CFAP46: variants seen among roughly 807,000 people sequenced by gnomAD.
CFAP46 encodes the protein cilia and flagella associated protein 46.
CFAP46 carries 245 observed loss-of-function variants against 325.7 expected under a neutral mutation model. The observed-to-expected ratio is 0.75, with a 90% confidence interval of 0.68 to 0.84. The LOEUF (loss-of-function observed/expected upper bound fraction) is 0.84, where lower values mean the gene tolerates loss of function less well. CFAP46 is among the 40% of genes least tolerant of loss of function. The pLI, the probability that CFAP46 is intolerant of heterozygous loss-of-function variation, is 0.00. For missense variants in CFAP46, 3,346 were observed against 3,543.0 expected (o/e 0.94, Z 1.41); for synonymous variants, 1,523 against 1,495.9 (o/e 1.02, Z -0.42).
chr10:132,845,037 C>G (rs1472455801), intron 44 of CFAP46, among the ~76,000 whole-genome samples: 1 of 152,154 alleles, frequency 6.6e-6, no homozygotes, highest in African/African-American at 2.4e-5. Flanking sequence ...AGGCACCCCC[C>G]TGCATGCCCA....
chr10:132,826,910 G>A (rs960463837), intron 50 of CFAP46, among the ~76,000 whole-genome samples: 41 of 152,240 alleles, frequency 2.7e-4, no homozygotes, highest in African/African-American at 8.9e-4. Flanking sequence ...GAGGGTGGGC[G>A]CTGTGGGCGG....
chr10:132,864,416 A>ACC (rs1848776168), intron 35 of CFAP46, among the ~76,000 whole-genome samples: 1 of 38,982 alleles, frequency 2.6e-5, no homozygotes, highest in Non-Finnish European at 4.3e-5. Flanking sequence ...TGCCTGAGAC[A>ACC]TGCACACACC....
intron 16 of CFAP46, 38 bp from the exon 17 acceptor site, chr10:132,916,720 G>A: frequency 7.0e-7 from 1 of 1,419,484 alleles, no homozygotes; most frequent in South Asian, 1.5e-5. Context: ...GTCATGGGCG[G>A]AGCACGGGCC....
In CFAP46 at chr10:132,920,520, G is replaced by A. The variant is rs966232642; in HGVS notation, c.1607-338C>T. Among the ~76,000 whole-genome samples the A allele has an allele frequency of 3.6e-4, 55 of 152,310 alleles. 1 individual carries two copies. Among genetic ancestry groups the A allele is most frequent in the African/African-American group, 1.1e-3 (47 of 41,558 alleles). The stretch of plus-strand genomic sequence containing the variant: ...CAGAGGCACCCGGCCTCAGACTCCC[G>A]AGCTCCCACCCAGCCCCTGCGTAGC... On this transcript the variant is annotated intron_variant, in intron 13 of 57. Coordinates refer to ENST00000368586, the MANE Select transcript of CFAP46 (RefSeq NM_001200049.3).
rs765835739 is a variant in CFAP46, at chr10:132,941,043, G to A, written c.324C>T (p.Cys108=). The stretch of plus-strand genomic sequence containing the variant: ...TTATGGCCTTCATGTACTCAGTCAC[G>A]CAATTTTCAAATTCCTCCTAAGGCA... The part of the protein sequence containing the change: ...SAENLEEFEN[C]VTEYMKAINF... The change falls in exon 4 of 58, where the codon TGC becomes TGT. Residue 108 remains cysteine (C), a synonymous_variant. Transcript: ENST00000368586. 1.1e-5 allele frequency: 18 copies of A among 1,614,104 alleles called. No individual in the cohort carries two copies. The South Asian group carries it at 1.6e-4, about 15-fold the overall frequency.
rs1017677413 is a variant in CFAP46 at position 132,817,904 on chromosome 10, G to T, written c.7118-2990C>A. 1.3e-5 allele frequency among the ~76,000 whole-genome samples: 2 copies of T among 152,232 alleles called. No homozygotes were observed. Among genetic ancestry groups the T allele is most frequent in the African/African-American group, 2.4e-5 (1 of 41,466 alleles). On this transcript the variant is annotated intron_variant, in intron 50 of 57. Coordinates refer to ENST00000368586, the MANE Select transcript of CFAP46 (RefSeq NM_001200049.3). The surrounding 1 kb of genome is among the most constrained non-coding windows in gnomAD (Gnocchi z 4.4). Reference sequence around the variant, plus strand: ...CCGCGCTCTGCCTGGAGGCTCCCGGGGAGAATCCTCTCCTGGCTCCTGGCC... The same window carrying T: ...CCGCGCTCTGCCTGGAGGCTCCCGGTGAGAATCCTCTCCTGGCTCCTGGCC...
In CFAP46 at chr10:132,886,020, G is replaced by A. The variant is rs138005617; in HGVS notation, c.3305-61C>T. On this transcript the variant is annotated intron_variant, in intron 25 of 57. Transcript: ENST00000368586. The surrounding 1 kb of genome is among the most constrained non-coding windows in gnomAD (Gnocchi z 5.8). ...CTGATCCCTCATCAAAGGCGCCCTC[G>A]GACCTCCCAGACTAAGCTGCCCATC... The A allele has an allele frequency of 9.6e-4, 1,472 of 1,531,076 alleles. 17 individuals carry two copies. In the African/African-American group the frequency reaches 0.017, roughly 18 times the overall value. 94.8% of individuals were successfully genotyped at this position (1,531,076 alleles called of 1,614,324 possible).
rs567055738 is a variant in CFAP46, at chr10:132,837,013, G to A, written c.6439-99C>T. 20 of 949,198 alleles carry A rather than the reference G, an allele frequency of 2.1e-5. 1 individual carries two copies. The highest frequency in any genetic ancestry group is 1.1e-4 in the South Asian group (8 of 72,356). The allele number at this position is 949,198 out of a possible 1,614,324, so 58.8% of individuals were successfully genotyped here. A position where few individuals can be genotyped will look rare whatever the true frequency, so the allele number is the denominator to read the frequency against. ...CCAGGAGACCTCGTGGCAGAGCCAC[G>A]GCGGGGGCTTTGTACCCTTCCTGCC... On this transcript the variant is annotated intron_variant, in intron 44 of 57. Coordinates refer to ENST00000368586, the MANE Select transcript of CFAP46 (RefSeq NM_001200049.3).
rs1369795022 is a variant in CFAP46, at chr10:132,912,680, G to A, written c.2474C>T (p.Thr825Ile). 1 of 1,549,278 alleles carries A rather than the reference G, an allele frequency of 6.5e-7. No individual in the cohort carries two copies. Residue 825 changes from threonine to isoleucine, a missense_variant, in exon 19 of 58, where the codon ACT becomes ATT. Coordinates refer to ENST00000368586, the MANE Select transcript of CFAP46 (RefSeq NM_001200049.3). The stretch of plus-strand genomic sequence containing the variant: ...CTCCACCGCTGTTTTGATCTCGGAA[G>A]TGGCTCCTGCGTCCAGTGGGCTGTG... ...AFHSPLDAGA[T>I]SEIKTAVEVC...
chr10:132,912,604 CCTCTCTCTCTCTCTCTCT>C (rs59827475), intron 19 of CFAP46, 33 bp downstream of exon 19: 3 of 1,315,578 alleles, frequency 2.3e-6, no homozygotes, highest in Non-Finnish European at 3.0e-6. Flanking sequence ...TCTCCTCTCT[CCTCTCTCTCTCTCTCTCT>C]CTCTCTCTCT....
Position 132,924,557 on chromosome 10 carries a change from G to A in CFAP46, c.1256+139C>T, listed in dbSNP as rs1008220847. On this transcript the variant is annotated intron_variant, in intron 11 of 57. Transcript: ENST00000368586. The stretch of plus-strand genomic sequence containing the variant: ...GCCTGGCCCGGAGCTGGGACAGAGG[G>A]TGGCCCTTATTGAGTACAGGGGGAG... The A allele has an allele frequency of 1.3e-5, 10 of 784,278 alleles. No homozygotes were observed. The East Asian group carries it at 2.3e-4, about 18-fold the overall frequency. 48.6% of individuals were successfully genotyped at this position (784,278 alleles called of 1,614,324 possible). A position where few individuals can be genotyped will look rare whatever the true frequency, so the allele number is the denominator to read the frequency against.
At chr10:132,809,308 G>A (rs181597302) in intron 57 of CFAP46, among the ~76,000 whole-genome samples, 25 of 152,290 alleles carry the variant, frequency 1.6e-4, no homozygotes, top group Admixed American at 8.5e-4. Flanking sequence ...GCAGGTCATC[G>A]CTGAGCAGCA....
In CFAP46 at chr10:132,889,511, G is replaced by C. The variant is rs1849225513; in HGVS notation, c.3304+2822C>G. ...CCCTGAGCCCTGCTTCCTCCTGCTT[G>C]AATTCATTAAACCAGGGTCCAATGA... On this transcript the variant is annotated intron_variant, in intron 25 of 57. Transcript: ENST00000368586. This position sits in a 1 kb window ranked among gnomAD's most constrained non-coding sequence, Gnocchi z 6.0. Among the ~76,000 whole-genome samples, 1 of 152,170 alleles carries C rather than the reference G, an allele frequency of 6.6e-6. No individual in the cohort carries two copies. The highest frequency in any genetic ancestry group is 1.5e-5 in the Non-Finnish European group (1 of 68,030).
In CFAP46 at chr10:132,879,738, G is replaced by C. The variant is rs929402777; in HGVS notation, c.3800-107C>G. 61 of 1,152,940 alleles carry C rather than the reference G, an allele frequency of 5.3e-5. 1 individual carries two copies. In the Admixed American group the frequency reaches 8.0e-4, roughly 15 times the overall value. 71.4% of individuals were successfully genotyped at this position (1,152,940 alleles called of 1,614,324 possible). ...GCTGTGGTGGACTGCCCGGTGCCTCGCGGACACCCGGTGCTCCACTCTGCT... is the reference window on the plus strand; with the variant it reads ...GCTGTGGTGGACTGCCCGGTGCCTCCCGGACACCCGGTGCTCCACTCTGCT... On this transcript the variant is annotated intron_variant, in intron 28 of 57. Transcript: ENST00000368586.
Position 132,922,171 on chromosome 10 carries a change from C to T in CFAP46, c.1539G>A (p.Val513=), listed in dbSNP as rs1218258474. Residue 513 remains valine, a synonymous_variant, in exon 13 of 58, where the codon GTG becomes GTA. Coordinates refer to ENST00000368586, the MANE Select transcript of CFAP46 (RefSeq NM_001200049.3). ...CAGGGGCTAAGGCCAGGCCTGCATT[C>T]ACCAGGAGGGCCCGCTTCTTCCTGA... is the stretch of plus-strand genomic sequence containing the variant. ...DSVRKKRALL[V]NAGLALAPDA... The T allele has an allele frequency of 1.9e-6, 3 of 1,550,476 alleles. No individual in the cohort carries two copies. Among genetic ancestry groups the T allele is most frequent in the Non-Finnish European group, 1.7e-6 (2 of 1,146,942 alleles).
chr10:132,922,204 C>T lies in CFAP46; in HGVS notation c.1506G>A (p.Lys502=). ...AVEQAKKATP[K]DSVRKKRALL... ...GGGCCCGCTTCTTCCTGACGCTGTC[C>T]TTTGGTGTAGCTTTTTTTGCCTGTG... is the stretch of plus-strand genomic sequence containing the variant. Residue 502 remains lysine, a synonymous_variant, in exon 13 of 58, where the codon AAG becomes AAA. Transcript: ENST00000368586. The T allele has an allele frequency of 1.3e-6, 2 of 1,550,306 alleles. No individual in the cohort carries two copies. Among genetic ancestry groups the T allele is most frequent in the East Asian group, 2.4e-5 (1 of 40,916 alleles).
At chr10:132,938,478 G>A in intron 5 of CFAP46, 111 bp downstream of exon 5, 2 of 1,037,758 alleles carry the variant, frequency 1.9e-6, no homozygotes, top group Admixed American at 2.1e-5. Context: ...CACATGGAGT[G>A]TGCCCCAGTG....
chr10:132,842,853 C>T (rs1281179583), intron 44 of CFAP46, among the ~76,000 whole-genome samples: 3 of 152,152 alleles, frequency 2.0e-5, no homozygotes, highest in African/African-American at 7.2e-5. Context: ...TCTTCTCATA[C>T]AGCCATCAGC....
intron 24 of CFAP46, among the ~76,000 whole-genome samples, chr10:132,893,725 C>A (rs1849284481): frequency 1.3e-5 from 2 of 152,266 alleles, no homozygotes; most frequent in Admixed American, 1.3e-4. Flanking sequence ...CGCTCGGCCT[C>A]TTCCCAGTGT....
Sources: allele counts gnomAD v4.1 joint callset (sites outside exome capture counted in the v4.1 genomes callset), GRCh38; gene constraint gnomAD v4.1.1; non-coding constraint Gnocchi (gnomAD v3.1); transcripts MANE v1.5; gene names NCBI Gene and HGNC (gene_info 2026-07-23, HGNC 2026-07-21).